BTBD8: variants seen among roughly 807,000 people sequenced by gnomAD.
BTBD8 encodes the protein BTB/POZ domain-containing protein 8.
BTBD8 carries 110 observed loss-of-function variants against 162.9 expected under a neutral mutation model. The ratio of observed to expected loss-of-function variants is 0.68; its 90% CI spans 0.58 to 0.79. BTBD8 has a LOEUF of 0.79. Among genes scored for constraint, BTBD8 ranks in the 30% least tolerant of loss-of-function variants. The pLI is 0.00. For synonymous variants in BTBD8, 667 were observed against 716.1 expected (o/e 0.93, Z 1.10); for missense variants, 1,905 against 2,085.4 (o/e 0.91, Z 1.68).
At position 92,163,354 on chromosome 1, in the gene BTBD8, CAAAAAAAAAAAAAA is replaced by C. The variant is rs34760395; in HGVS notation, c.1123-3588_1123-3575del. Among the ~76,000 whole-genome samples, 157 of 20,412 alleles carry C rather than the reference CAAAAAAAAAAAAAA, an allele frequency of 7.7e-3. 3 individuals carry two copies. Among genetic ancestry groups the C allele is most frequent in the Non-Finnish European group, 8.1e-3 (96 of 11,842 alleles). The allele number at this position is 20,412 out of a possible 152,430, so 13.4% of individuals were successfully genotyped here. ...TGGGCAACAGAGAGAGATTCTGTCT[CAAAAAAAAAAAAAA>C]AAAAAAAAAAAAAAAGGCAAGATAC... On this transcript the variant is annotated intron_variant, in intron 9 of 17. Transcript: ENST00000636805.
At chr1:92,130,140 C>G (rs551260519) in intron 5 of BTBD8, among the ~76,000 whole-genome samples, 1 of 152,134 alleles carries the variant, frequency 6.6e-6, no homozygotes, top group Non-Finnish European at 1.5e-5. Flanking sequence ...ACTCATGTGG[C>G]CTTTCCTTGG....
intron 2 of BTBD8, among the ~76,000 whole-genome samples, chr1:92,101,993 C>T (rs562351169): frequency 4.9e-4 from 75 of 152,186 alleles, no homozygotes; most frequent in African/African-American, 1.6e-3. Flanking sequence ...CCATCACACC[C>T]GGCTTCTGCT....
rs1442312794 is a variant in BTBD8, at chr1:92,178,298, A to C, written c.2442-14A>C. On this transcript the variant is annotated splice_polypyrimidine_tract_variant and intron_variant, in intron 15 of 17. Transcript: ENST00000636805. ...AATCTAAGTGTAATACTGAATGCAA[A>C]TAATTTTTTTTAGTGTACTAAAGAA... 3.9e-6 allele frequency: 6 copies of C among 1,544,186 alleles called. No homozygotes were observed. Among genetic ancestry groups the C allele is most frequent in the Non-Finnish European group, 5.2e-6 (6 of 1,143,938 alleles).
At position 92,183,960 on chromosome 1, in the gene BTBD8, AAGCATT is replaced by A; in HGVS notation, c.5010_5015del (p.Glu1670_Phe1672delinsAsp). ...CCAATATATGAGATGGATGTAATAG[AAGCATT>A]TGAGCAGAAAGTGGAATCAGAAACA... On this transcript the variant is annotated inframe_deletion, in exon 18 of 18. Transcript: ENST00000636805. The A allele has an allele frequency of 6.4e-7, 1 of 1,551,596 alleles. No homozygotes were observed. Among genetic ancestry groups the A allele is most frequent in the Non-Finnish European group, 8.7e-7 (1 of 1,146,870 alleles).
At chr1:92,099,128 C>G (rs558818659) in intron 2 of BTBD8, among the ~76,000 whole-genome samples, 1 of 152,146 alleles carries the variant, frequency 6.6e-6, no homozygotes, top group Non-Finnish European at 1.5e-5. Flanking sequence ...TCACTTGTCT[C>G]AGCACCATTT....
chr1:92,091,297 C>G (rs748103372), intron 2 of BTBD8, among the ~76,000 whole-genome samples: 4 of 152,154 alleles, frequency 2.6e-5, no homozygotes, highest in Non-Finnish European at 5.9e-5. Flanking sequence ...CGCCTTCTGC[C>G]TTGATTGTTA....
Position 92,182,549 on chromosome 1 carries a change from G to A in BTBD8, c.4866G>A (p.Glu1622=). ...TGCCTCAGGAAGGTCCAGTGAAAGA[G>A]AGCCATTCTACAACTACTGAAAAAG... ...QVLPQEGPVK[E]SHSTTTEKAN... Residue 1622 remains glutamate (E), a synonymous_variant, in exon 17 of 18, where the codon GAG becomes GAA. Coordinates refer to ENST00000636805, the MANE Select transcript of BTBD8 (RefSeq NM_001376131.1). The A allele has an allele frequency of 6.5e-7, 1 of 1,529,928 alleles. No homozygotes were observed. The highest frequency in any genetic ancestry group is 8.8e-7 in the Non-Finnish European group (1 of 1,141,220). The allele number at this position is 1,529,928 out of a possible 1,614,324, so 94.8% of individuals were successfully genotyped here. A position where few individuals can be genotyped will look rare whatever the true frequency, so the allele number is the denominator to read the frequency against.
chr1:92,089,470 G>A (rs1210224076), intron 2 of BTBD8, among the ~76,000 whole-genome samples: 3 of 152,092 alleles, frequency 2.0e-5, no homozygotes, highest in Non-Finnish European at 4.4e-5. Context: ...CATGGCTTAT[G>A]TCTTAGTCCA....
chr1:92,157,430 G>A (rs1257254027), intron 9 of BTBD8, among the ~76,000 whole-genome samples: 2 of 152,066 alleles, frequency 1.3e-5, no homozygotes, highest in Admixed American at 1.3e-4. Flanking sequence ...GGTCCATTTG[G>A]TGTATAGTGT....
chr1:92,116,505 C>G (rs1340657645), intron 4 of BTBD8, among the ~76,000 whole-genome samples: 2 of 151,948 alleles, frequency 1.3e-5, no homozygotes, highest in East Asian at 3.9e-4. Flanking sequence ...TTTTGGAGCT[C>G]TATTATTTGT....
intron 9 of BTBD8, among the ~76,000 whole-genome samples, chr1:92,160,195 C>T (rs1650247743): frequency 6.6e-6 from 1 of 152,002 alleles, no homozygotes; most frequent in African/African-American, 2.4e-5. Context: ...TTGTATTCTT[C>T]AGCTCCATGA....
In BTBD8 at chr1:92,167,984, T is replaced by G; in HGVS notation, c.1442T>G (p.Met481Arg). 6.5e-7 allele frequency: 1 copy of G among 1,531,638 alleles called. No homozygotes were observed. Among genetic ancestry groups the G allele is most frequent in the Non-Finnish European group, 8.8e-7 (1 of 1,137,926 alleles). The allele number at this position is 1,531,638 out of a possible 1,614,324, so 94.9% of individuals were successfully genotyped here. Residue 481 changes from methionine (M) to arginine (R), a missense_variant and splice_region_variant, in exon 11 of 18, where the codon ATG becomes AGG. Physicochemically the swap from Met to Arg is moderately conservative, Grantham distance 91. This residue lies in a region of BTBD8 where 1,374 missense variants were observed against 1,442.7 expected (regional missense o/e 0.95). Coordinates refer to ENST00000636805, the MANE Select transcript of BTBD8 (RefSeq NM_001376131.1). ...CTGAACTCTGACAGTACAAAGGAAA[T>G]GGTACTGAATGTAATGAAATTTATT... is the stretch of plus-strand genomic sequence containing the variant. ...TLLNSDSTKE[M>R]GFTCKIQALR...
chr1:92,180,859 A>G lies in BTBD8; in HGVS notation c.3176A>G (p.His1059Arg). ...LDKSETKFPN[H>R]KETDDCDAAN... ...AAAAGTGAAACAAAATTTCCCAATC[A>G]CAAAGAAACAGATGATTGCGATGCA... The change falls in exon 17 of 18, where the codon CAC (histidine) becomes CGC (arginine). Residue 1059 changes from histidine (H) to arginine (R), a missense_variant. Transcript: ENST00000636805. The G allele has an allele frequency of 1.9e-6, 3 of 1,551,506 alleles. No individual in the cohort carries two copies. The highest frequency in any genetic ancestry group is 2.4e-5 in the East Asian group (1 of 40,920).
In BTBD8 at chr1:92,182,229, G is replaced by T. The variant is rs1433593410; in HGVS notation, c.4546G>T (p.Asp1516Tyr). The T allele has an allele frequency of 1.2e-5, 19 of 1,550,676 alleles. No individual in the cohort carries two copies. The highest frequency in any genetic ancestry group is 4.9e-5 in the East Asian group (2 of 40,912). ...ATGTAAAAATGAAAGCACTGTCTTG[G>T]ATCTTAGTAGCATTGACTCTTCAAG... ...SVCKNESTVL[D>Y]LSSIDSSRKN... is the part of the protein sequence containing the mutation. The change falls in exon 17 of 18, where the codon GAT becomes TAT. Residue 1516 changes from aspartate (D) to tyrosine (Y), a missense_variant. Asp to Tyr is a radical substitution (Grantham distance 160). Around this residue, in one of 3 missense-constraint regions of BTBD8, gnomAD observed 517 missense variants for 606.6 expected, o/e 0.85. Transcript: ENST00000636805.
At chr1:92,113,581 A>G (rs1648954586) in intron 4 of BTBD8, among the ~76,000 whole-genome samples, 1 of 152,222 alleles carries the variant, frequency 6.6e-6, no homozygotes, top group African/African-American at 2.4e-5. Flanking sequence ...CCTGTTTTCT[A>G]GGGCTAGACC....
At chr1:92,114,902 G>T (rs1057445428) in intron 4 of BTBD8, 8 of 317,984 alleles carry the variant, frequency 2.5e-5, no homozygotes, top group Non-Finnish European at 3.7e-5. Flanking sequence ...GTGGTCATTA[G>T]GGCAATGCCA....
At chr1:92,105,160 C>T (rs1453946967) in intron 3 of BTBD8, among the ~76,000 whole-genome samples, 2 of 152,184 alleles carry the variant, frequency 1.3e-5, no homozygotes, top group Non-Finnish European at 1.5e-5. Flanking sequence ...TCTTGATCTC[C>T]TGACCTTGTG....
chr1:92,091,573 C>A (rs1570713825), intron 2 of BTBD8, among the ~76,000 whole-genome samples: 1 of 151,448 alleles, frequency 6.6e-6, no homozygotes, highest in African/African-American at 2.4e-5. Context: ...CTCGCTCTGT[C>A]GCCCAGGGTG....
At chr1:92,133,668 G>T (rs1649563735) in intron 5 of BTBD8, among the ~76,000 whole-genome samples, 1 of 152,146 alleles carries the variant, frequency 6.6e-6, no homozygotes, top group Non-Finnish European at 1.5e-5. Flanking sequence ...TGAGTGTGGG[G>T]ACAGCAGAAT....
Sources: allele counts gnomAD v4.1 joint callset (sites outside exome capture counted in the v4.1 genomes callset), GRCh38; gene constraint gnomAD v4.1.1; regional missense constraint gnomAD v4.1.1; transcripts MANE v1.5; gene names NCBI Gene and HGNC (gene_info 2026-07-23, HGNC 2026-07-21).